Variants in KIFC3 observed in about 807,000 individuals in gnomAD.
KIFC3 encodes kinesin family member C3, also known as kinesin-like protein KIFC3.
KIFC3 carries 60 observed loss-of-function variants against 101.8 expected under a neutral mutation model. The observed-to-expected ratio is 0.59, with a 90% CI of 0.48 to 0.73. The LOEUF (loss-of-function observed/expected upper bound fraction) is 0.73. Ranked by LOEUF, KIFC3 falls within the 30% of genes least tolerant of loss-of-function variation. The pLI is 0.00. For missense variants in KIFC3, 966 were observed against 1,137.1 expected (o/e 0.85, Z 2.16); for synonymous variants, 476 against 482.7 (o/e 0.99, Z 0.18).
rs1025587667 is a variant in KIFC3 at position 57,798,674 on chromosome 16, T to C, written c.-39-392A>G. 1.5e-5 allele frequency: 4 copies of C among 270,440 alleles called. No individual in the cohort carries two copies. The Admixed American group carries it at 1.5e-4, about 10-fold the overall frequency. 16.8% of individuals were successfully genotyped at this position (270,440 alleles called of 1,614,324 possible). A position where few individuals can be genotyped will look rare whatever the true frequency, so the allele number is the denominator to read the frequency against. ...TCCTCCAAGACATCTAATTTTCTAATTGCACTTAACCACATGCTTAACCCT... is the reference window on the plus strand; with the variant it reads ...TCCTCCAAGACATCTAATTTTCTAACTGCACTTAACCACATGCTTAACCCT... On this transcript the variant is annotated intron_variant, in intron 1 of 19. Coordinates refer to ENST00000445690, the MANE Select transcript of KIFC3 (RefSeq NM_001130100.2).
chr16:57,773,695 C>T (rs528074553), intron 3 of KIFC3: 4 of 152,190 alleles, frequency 2.6e-5, no homozygotes, highest in Non-Finnish European at 4.4e-5. Context: ...CCCCTTAGCA[C>T]TCAGCAGCAT....
At chr16:57,815,687 C>A (rs2055204631) in intron 1 of KIFC3, 1 of 1,274,220 alleles carries the variant, frequency 7.8e-7, no homozygotes, top group South Asian at 1.2e-5. Flanking sequence ...CCACTCGGGG[C>A]CTGGGAGAAG....
At chr16:57,797,814 C>T in intron 2 of KIFC3, 2 of 1,400,778 alleles carry the variant, frequency 1.4e-6, no homozygotes, top group Non-Finnish European at 1.9e-6. Flanking sequence ...AGCTGATTCC[C>T]CCTGCTCTGT....
chr16:57,777,480 G>T (rs1220200090), intron 3 of KIFC3, among the ~76,000 whole-genome samples: 1 of 152,182 alleles, frequency 6.6e-6, no homozygotes, highest in African/African-American at 2.4e-5. Flanking sequence ...CAGCACTTTG[G>T]GAGGCCGAGG....
At chr16:57,790,958 G>A (rs1555620098) in intron 3 of KIFC3, 1 of 984,652 alleles carries the variant, frequency 1.0e-6, no homozygotes, top group African/African-American at 1.7e-5. Flanking sequence ...TTCCTGCTGG[G>A]CGCAGTGGCT....
In KIFC3 at chr16:57,758,638, G is replaced by C; in HGVS notation, c.*296C>G. ...CCTCCACACTCCCGCCCTCCTCACG[G>C]GGCCCAGTTCGCTGATGGCCCAGGC... On this transcript the variant is annotated 3_prime_UTR_variant, in exon 20 of 20. Coordinates refer to ENST00000445690, the MANE Select transcript of KIFC3 (RefSeq NM_001130100.2). 1.4e-6 allele frequency: 1 copy of C among 699,890 alleles called. No individual in the cohort carries two copies. 43.4% of individuals were successfully genotyped at this position (699,890 alleles called of 1,614,324 possible).
upstream of KIFC3, chr16:57,807,946 A>AAAAAC (rs2054977246): frequency 7.0e-6 from 1 of 142,020 alleles, no homozygotes; most frequent in African/African-American, 3.1e-5. Context: ...AAAAAAAAAA[A>AAAAAC]AAAAAAAAAA....
At chr16:57,829,009 G>A (rs1478864592) in intron 1 of KIFC3, among the ~76,000 whole-genome samples, 1 of 152,126 alleles carries the variant, frequency 6.6e-6, no homozygotes, top group Non-Finnish European at 1.5e-5. Flanking sequence ...GGTCACCACA[G>A]ACCCAAACAC....
intron 1 of KIFC3, among the ~76,000 whole-genome samples, chr16:57,826,923 G>T (rs1555630883): frequency 6.6e-6 from 1 of 152,222 alleles, no homozygotes; most frequent in African/African-American, 2.4e-5. Flanking sequence ...GCTCCACACG[G>T]TGCTGCGCTG....
intron 1 of KIFC3, among the ~76,000 whole-genome samples, chr16:57,812,578 A>G (rs1401385789): frequency 1.3e-5 from 2 of 152,166 alleles, no homozygotes; most frequent in Non-Finnish European, 1.5e-5. Context: ...CAGAGCGGAA[A>G]GAGCCATGAA....
At chr16:57,814,647 G>A (rs1174632713) in intron 1 of KIFC3, among the ~76,000 whole-genome samples, 1 of 144,666 alleles carries the variant, frequency 6.9e-6, no homozygotes, top group Non-Finnish European at 1.5e-5. Flanking sequence ...TTTTTTTTTT[G>A]GAGACAAATG....
chr16:57,767,428 T>C (rs782531455), intron 9 of KIFC3, among the ~76,000 whole-genome samples: 24 of 152,188 alleles, frequency 1.6e-4, no homozygotes, highest in Admixed American at 6.5e-4. Flanking sequence ...CCCAGTTACA[T>C]TTCACAGGTA....
At chr16:57,787,267 T>G (rs2053432476) in intron 3 of KIFC3, among the ~76,000 whole-genome samples, 1 of 152,084 alleles carries the variant, frequency 6.6e-6, no homozygotes, top group South Asian at 2.1e-4. Context: ...CAGCAGGAGC[T>G]TCCTAGGAGA....
chr16:57,770,070 A>C, intron 7 of KIFC3, 115 bp from the exon 8 acceptor site: 1 of 1,212,850 alleles, frequency 8.2e-7, no homozygotes, highest in Non-Finnish European at 1.1e-6. Context: ...ATGCACACAC[A>C]CATGTGCACA....
At chr16:57,811,449 G>A (rs782699846) in intron 1 of KIFC3, among the ~76,000 whole-genome samples, 8 of 152,176 alleles carry the variant, frequency 5.3e-5, no homozygotes, top group South Asian at 2.1e-4. Flanking sequence ...CAGGCCAAGC[G>A]CGATGGCTCA....
At chr16:57,776,359 C>T (rs538300707) in intron 3 of KIFC3, 16 of 985,184 alleles carry the variant, frequency 1.6e-5, no homozygotes, top group East Asian at 2.3e-4. Flanking sequence ...CCCCTGTCCA[C>T]GCCACCCTGC....
At chr16:57,782,695 G>C (rs1362720413) in intron 3 of KIFC3, among the ~76,000 whole-genome samples, 1 of 152,252 alleles carries the variant, frequency 6.6e-6, no homozygotes, top group African/African-American at 2.4e-5. Context: ...TGTAATCCCA[G>C]CACCTTGGGA....
chr16:57,841,214 A>C (rs951070141), intron 1 of KIFC3, among the ~76,000 whole-genome samples: 12 of 152,188 alleles, frequency 7.9e-5, no homozygotes, highest in Admixed American at 5.9e-4. Context: ...TGGGTGGCTG[A>C]ATTTTTTCCA....
At chr16:57,793,493 T>G (rs1375418630) in intron 3 of KIFC3, among the ~76,000 whole-genome samples, 1 of 151,330 alleles carries the variant, frequency 6.6e-6, no homozygotes, top group African/African-American at 2.4e-5. Context: ...CTTGGGAGGC[T>G]GAGACAGGAG....
Sources: gnomAD v4.1 joint callset for allele counts (sites outside exome capture counted in the v4.1 genomes callset) on GRCh38, gnomAD v4.1.1 for gene constraint, MANE v1.5 for transcripts, NCBI Gene and HGNC (gene_info 2026-07-23, HGNC 2026-07-21) for gene names.